The following TBC1D8 variants were observed in gnomAD, a reference collection of about 807,000 sequenced individuals.
TBC1D8 encodes BUB2-like protein 1.
A neutral mutation model predicts 118.8 loss-of-function variants in TBC1D8; 65 were observed. That is an observed-to-expected ratio of 0.55 (90% CI 0.45 to 0.67). The LOEUF (loss-of-function observed/expected upper bound fraction) is 0.67, where lower values mean the gene tolerates loss of function less well. Among genes scored for constraint, TBC1D8 ranks in the 30% least tolerant of loss-of-function variants. The probability of loss-of-function intolerance (pLI) is 0.00; values close to 1 mark genes in which losing one functional copy is unlikely to be tolerated. For synonymous variants in TBC1D8, 566 were observed against 595.8 expected (o/e 0.95, Z 0.73); for missense variants, 1,376 against 1,471.2 (o/e 0.94, Z 1.06).
intron 5 of TBC1D8, among the ~76,000 whole-genome samples, chr2:101,046,144 G>T (rs1383951218): frequency 1.3e-5 from 2 of 152,174 alleles, no homozygotes; most frequent in Non-Finnish European, 2.9e-5. Context: ...TGTTTACTCA[G>T]AATACCTTTC....
chr2:101,089,762 AT>A (rs1249334115), intron 2 of TBC1D8, among the ~76,000 whole-genome samples: 1 of 152,124 alleles, frequency 6.6e-6, no homozygotes, highest in Non-Finnish European at 1.5e-5. Flanking sequence ...CATTATGTGT[AT>A]GCATCCAGGA....
At chr2:101,010,787 CAGG>C (rs1679145527) in intron 19 of TBC1D8, 139 bp downstream of exon 19, 1 of 628,580 alleles carries the variant, frequency 1.6e-6, no homozygotes, top group South Asian at 1.9e-5. Context: ...GAGGCTGAGG[CAGG>C]AGAACTGCTT....
intron 2 of TBC1D8, among the ~76,000 whole-genome samples, chr2:101,084,458 G>A (rs1675468330): frequency 6.6e-6 from 1 of 152,196 alleles, no homozygotes; most frequent in South Asian, 2.1e-4. Flanking sequence ...GGCTGAGGCA[G>A]GAGAACTGCT....
chr2:101,143,468 C>A (rs1233226846), intron 1 of TBC1D8, among the ~76,000 whole-genome samples: 1 of 152,108 alleles, frequency 6.6e-6, no homozygotes, highest in Non-Finnish European at 1.5e-5. Context: ...CAAATTCATA[C>A]ACATGTGCTT....
At chr2:101,010,457 C>T (rs186204522) in intron 19 of TBC1D8, among the ~76,000 whole-genome samples, 11 of 152,238 alleles carry the variant, frequency 7.2e-5, no homozygotes, top group East Asian at 5.8e-4. Context: ...TGTTTTGAAG[C>T]GATTTGAATA....
At chr2:101,040,553 T>C (rs956712074) in intron 5 of TBC1D8, among the ~76,000 whole-genome samples, 168 bp from the exon 6 acceptor site, 1 of 152,250 alleles carries the variant, frequency 6.6e-6, no homozygotes, top group Non-Finnish European at 1.5e-5. Flanking sequence ...CACTGCAACC[T>C]CCACCTCCCA....
intron 2 of TBC1D8, among the ~76,000 whole-genome samples, chr2:101,089,569 T>C (rs1409233785): frequency 6.6e-6 from 1 of 152,166 alleles, no homozygotes; most frequent in African/African-American, 2.4e-5. Flanking sequence ...AAGGAGAAGA[T>C]GAGCAGGTGG....
At chr2:101,067,393 G>A (rs1683073552) in intron 2 of TBC1D8, among the ~76,000 whole-genome samples, 1 of 152,154 alleles carries the variant, frequency 6.6e-6, no homozygotes, top group African/African-American at 2.4e-5. Context: ...CGTGGGGGAC[G>A]TTGAGATCAG....
chr2:101,118,844 C>A (rs1558718283), intron 1 of TBC1D8, among the ~76,000 whole-genome samples: 2 of 152,178 alleles, frequency 1.3e-5, no homozygotes, highest in East Asian at 1.9e-4. Flanking sequence ...CCCATCTCTA[C>A]GAAGAAAATA....
At chr2:101,024,449 C>T (rs1248880085) in intron 15 of TBC1D8, among the ~76,000 whole-genome samples, 2 of 149,404 alleles carry the variant, frequency 1.3e-5, no homozygotes, top group Non-Finnish European at 3.0e-5. Flanking sequence ...TCTTGTTGCC[C>T]AGGCTGGAGT....
chr2:101,026,502 G>A (rs1326577130), intron 15 of TBC1D8, among the ~76,000 whole-genome samples: 3 of 152,178 alleles, frequency 2.0e-5, no homozygotes, highest in Admixed American at 1.3e-4. Context: ...CTGACTGCGG[G>A]GAAAGGCCTG....
chr2:101,077,932 A>G (rs1478372132), intron 2 of TBC1D8, among the ~76,000 whole-genome samples: 1 of 152,130 alleles, frequency 6.6e-6, no homozygotes, highest in African/African-American at 2.4e-5. Context: ...CAACACTCTT[A>G]CAGAACCTAA....
chr2:101,143,881 C>A (rs1463679790), intron 1 of TBC1D8, among the ~76,000 whole-genome samples: 1 of 152,218 alleles, frequency 6.6e-6, no homozygotes, highest in Non-Finnish European at 1.5e-5. Context: ...GTCCTAACAG[C>A]TGGGCTGGTT....
chr2:101,103,517 G>A (rs899094055), intron 1 of TBC1D8, among the ~76,000 whole-genome samples: 3 of 151,286 alleles, frequency 2.0e-5, no homozygotes, highest in Non-Finnish European at 4.4e-5. Context: ...TCAGCCTCCC[G>A]AGTAGCTGGG....
intron 8 of TBC1D8, among the ~76,000 whole-genome samples, 168 bp from the exon 9 acceptor site, chr2:101,036,336 G>T (rs533484845): frequency 6.6e-6 from 1 of 152,154 alleles, no homozygotes; most frequent in South Asian, 2.1e-4. Context: ...AACCTTTACT[G>T]GGGGCACAGA....
intron 1 of TBC1D8, among the ~76,000 whole-genome samples, chr2:101,148,368 T>C (rs1424920578): frequency 1.3e-5 from 2 of 152,206 alleles, no homozygotes; most frequent in African/African-American, 4.8e-5. Flanking sequence ...AAATGTTTCC[T>C]GAACAAATAT....
At chr2:101,070,066 C>T (rs527617272) in intron 2 of TBC1D8, among the ~76,000 whole-genome samples, 68 of 151,946 alleles carry the variant, frequency 4.5e-4, no homozygotes, top group African/African-American at 1.4e-3. Flanking sequence ...CAGGCACCCA[C>T]GACCACGCCC....
intron 1 of TBC1D8, among the ~76,000 whole-genome samples, chr2:101,096,750 A>G (rs1202452123): frequency 6.6e-6 from 1 of 151,906 alleles, no homozygotes; most frequent in African/African-American, 2.4e-5. Flanking sequence ...CTAGAAGATA[A>G]GTCAATAGAA....
intron 2 of TBC1D8, among the ~76,000 whole-genome samples, chr2:101,076,324 C>T (rs906298635): frequency 2.6e-5 from 4 of 152,090 alleles, no homozygotes; most frequent in East Asian, 3.9e-4. Context: ...AAACCTTTGA[C>T]GAAAGCTTGA....
Sources: allele counts gnomAD v4.1 joint callset (sites outside exome capture counted in the v4.1 genomes callset), GRCh38; gene constraint gnomAD v4.1.1; transcripts MANE v1.5; gene names NCBI Gene and HGNC (gene_info 2026-07-23, HGNC 2026-07-21).